The following SLC27A2 variants were observed in gnomAD, a reference collection of about 807,000 sequenced individuals.
SLC27A2 encodes the protein solute carrier family 27 member 2.
SLC27A2 carries 54 observed loss-of-function variants against 60.0 expected under a neutral mutation model. The ratio of observed to expected loss-of-function variants is 0.90; its 90% CI spans 0.72 to 1.13. The LOEUF is 1.13. Among genes scored for constraint, SLC27A2 ranks in the 50% most tolerant of loss-of-function variants. SLC27A2 has a pLI of 0.00. For missense variants in SLC27A2, 739 were observed against 777.6 expected, an observed-to-expected ratio of 0.95 and a Z score of 0.59; for synonymous variants, 297 against 297.6, an observed-to-expected ratio of 1.00 and a Z score of 0.02.
chr15:50,187,954 G>C (rs1371122764), intron 1 of SLC27A2, among the ~76,000 whole-genome samples: 1 of 149,780 alleles, frequency 6.7e-6, no homozygotes, highest in African/African-American at 2.5e-5. Context: ...AACATTTAGA[G>C]GGAGGAGAGG....
chr15:50,195,428 T>C (rs955498965), intron 1 of SLC27A2, among the ~76,000 whole-genome samples: 4 of 151,880 alleles, frequency 2.6e-5, no homozygotes, highest in Non-Finnish European at 4.4e-5. Flanking sequence ...GAGGCGGAGC[T>C]TGCAGTGAGC....
At chr15:50,203,051 G>A (rs1196840152) in intron 3 of SLC27A2, among the ~76,000 whole-genome samples, 1 of 150,568 alleles carries the variant, frequency 6.6e-6, no homozygotes, top group Non-Finnish European at 1.5e-5. Context: ...AGCCAGGCAT[G>A]GTGGCTCAAG....
At chr15:50,226,194 G>A (rs1427464155) in intron 6 of SLC27A2, 116 bp downstream of exon 6, 2 of 654,388 alleles carry the variant, frequency 3.1e-6, no homozygotes, top group African/African-American at 3.6e-5. Context: ...GGAAAAGGGG[G>A]GTTTATTTAA....
intron 4 of SLC27A2, among the ~76,000 whole-genome samples, chr15:50,220,230 C>T (rs1007553175): frequency 2.0e-5 from 3 of 152,226 alleles, no homozygotes; most frequent in Admixed American, 2.0e-4. Flanking sequence ...GCTTCCCACA[C>T]ACCCAGGGTG....
intron 4 of SLC27A2, among the ~76,000 whole-genome samples, chr15:50,212,942 C>G (rs1460792962): frequency 1.3e-5 from 2 of 152,136 alleles, no homozygotes; most frequent in Admixed American, 6.5e-5. Flanking sequence ...ATGAAAGCAA[C>G]AGTACCTCAC....
chr15:50,198,055 A>G (rs898722893), intron 2 of SLC27A2, among the ~76,000 whole-genome samples: 1 of 152,052 alleles, frequency 6.6e-6, no homozygotes, highest in Non-Finnish European at 1.5e-5. Context: ...GTCCATATAG[A>G]CTGTATAATT....
At position 50,227,004 on chromosome 15, in the gene SLC27A2, A is replaced by G. The variant is rs200071436; in HGVS notation, c.1283A>G (p.Lys428Arg). The change falls in exon 7 of 10, where the codon AAA becomes AGA. Residue 428 changes from lysine to arginine, a missense_variant. Coordinates refer to ENST00000267842, the MANE Select transcript of SLC27A2 (RefSeq NM_003645.4). The part of the protein sequence containing the change: ...PKGEVGLLVC[K>R]ITQLTPFNGY... Reference sequence around the variant, plus strand: ...GGTGAAGTTGGACTTCTGGTTTGCAAAATCACACAACTTACACCATTTAAT... The same window carrying G: ...GGTGAAGTTGGACTTCTGGTTTGCAGAATCACACAACTTACACCATTTAAT... 1.2e-4 allele frequency: 191 copies of G among 1,613,932 alleles called. 2 individuals are homozygous for G. The South Asian group carries it at 2.0e-3, about 17-fold the overall frequency.
At chr15:50,214,745 C>G (rs549365863) in intron 4 of SLC27A2, among the ~76,000 whole-genome samples, 5 of 152,120 alleles carry the variant, frequency 3.3e-5, no homozygotes, top group Non-Finnish European at 7.4e-5. Flanking sequence ...GCAGAAAAAG[C>G]ATTCAACAAA....
intron 4 of SLC27A2, among the ~76,000 whole-genome samples, chr15:50,209,454 G>C (rs965694776): frequency 2.0e-5 from 3 of 152,108 alleles, no homozygotes; most frequent in African/African-American, 7.2e-5. Flanking sequence ...GGCAAGAAAA[G>C]AAGGGCTTCT....
At chr15:50,195,962 G>A (rs537448283) in intron 1 of SLC27A2, among the ~76,000 whole-genome samples, 15 of 146,482 alleles carry the variant, frequency 1.0e-4, no homozygotes, top group African/African-American at 3.3e-4. Flanking sequence ...GCTGAGGCAG[G>A]AGAATGGCAT....
Position 50,235,482 on chromosome 15 carries a change from C to G in SLC27A2, c.1687-438C>G, listed in dbSNP as rs1288126510. Among the ~76,000 whole-genome samples, 6 of 152,246 alleles carry G rather than the reference C, an allele frequency of 3.9e-5. No homozygotes were observed. In the East Asian group the frequency reaches 1.2e-3, roughly 29 times the overall value. ...TCATCCTTGGCAGGTCCTCCCTCCC[C>G]ACAGGTGATCCTAAAGCTTTAAGGG... On this transcript the variant is annotated intron_variant, in intron 9 of 9. Coordinates refer to ENST00000267842, the MANE Select transcript of SLC27A2 (RefSeq NM_003645.4).
intron 1 of SLC27A2, among the ~76,000 whole-genome samples, chr15:50,185,923 C>T (rs890693599): frequency 1.3e-5 from 2 of 152,050 alleles, no homozygotes; most frequent in African/African-American, 4.8e-5. Context: ...GCCACCACGC[C>T]TGGCCGGAAG....
chr15:50,216,610 G>GTGTGTATA (rs1323910367), intron 4 of SLC27A2, among the ~76,000 whole-genome samples: 30 of 66,470 alleles, frequency 4.5e-4, no homozygotes, highest in African/African-American at 1.7e-3. Context: ...GTGTGTGTGT[G>GTGTGTATA]TATATATATA....
chr15:50,192,107 A>G (rs2044979169), intron 1 of SLC27A2, among the ~76,000 whole-genome samples: 1 of 152,162 alleles, frequency 6.6e-6, no homozygotes, highest in Non-Finnish European at 1.5e-5. Flanking sequence ...AAACATATCT[A>G]CAAAAGACTC....
chr15:50,235,845 C>A, intron 9 of SLC27A2, 75 bp from the exon 10 acceptor site: 1 of 1,134,988 alleles, frequency 8.8e-7, no homozygotes, highest in Non-Finnish European at 1.2e-6. Flanking sequence ...CCCCATGCCC[C>A]ACCCCTACCC....
At chr15:50,204,440 G>A (rs960624863) in intron 3 of SLC27A2, among the ~76,000 whole-genome samples, 13 of 151,922 alleles carry the variant, frequency 8.6e-5, no homozygotes, top group African/African-American at 3.1e-4. Context: ...CTGGGCAATA[G>A]AGTGAGACCC....
At chr15:50,191,916 C>T (rs554398559) in intron 1 of SLC27A2, among the ~76,000 whole-genome samples, 240 of 152,012 alleles carry the variant, frequency 1.6e-3, no homozygotes, top group Middle Eastern at 0.014. Context: ...AAACATTAGC[C>T]GGGCATGGTG....
chr15:50,196,068 A>AAAAAAAAAAAAAAT (rs2045015722), intron 1 of SLC27A2, among the ~76,000 whole-genome samples: 1 of 17,180 alleles, frequency 5.8e-5, no homozygotes, highest in Admixed American at 8.4e-4. Flanking sequence ...AAAAAAAAAA[A>AAAAAAAAAAAAAAT]AAAAAAAAAA....
intron 1 of SLC27A2, among the ~76,000 whole-genome samples, chr15:50,196,135 T>TTCACTTCCGTTATCACAATTCAAGA (rs2045021781): frequency 8.6e-6 from 1 of 115,932 alleles, no homozygotes; most frequent in African/African-American, 3.2e-5. Flanking sequence ...TGTATGTACA[T>TTCACTTCCGTTATCACAATTCAAGA]TCACTTCCGT....
Sources: allele counts gnomAD v4.1 joint callset (sites outside exome capture counted in the v4.1 genomes callset), GRCh38; gene constraint gnomAD v4.1.1; transcripts MANE v1.5; gene names NCBI Gene and HGNC (gene_info 2026-07-23, HGNC 2026-07-21).